UBE2K: variants seen among roughly 807,000 people sequenced by gnomAD.
The protein encoded by UBE2K is ubiquitin-conjugating enzyme E2 K.
In UBE2K, 6 loss-of-function variants were observed where a neutral mutation model predicts 30.0. The ratio of observed to expected loss-of-function variants is 0.20; its 90% CI spans 0.11 to 0.39. The LOEUF (loss-of-function observed/expected upper bound fraction) is 0.39. Ranked by LOEUF, UBE2K falls within the 10% of genes least tolerant of loss-of-function variation. The pLI is 1.00. For missense variants in UBE2K, 61 were observed against 241.6 expected, an observed-to-expected ratio of 0.25 and a Z score of 4.96; for synonymous variants, 86 against 83.7, an observed-to-expected ratio of 1.03 and a Z score of -0.15.
rs2109425155 is a variant in UBE2K, at chr4:39,781,874, A to C, written c.*3440A>C. ...TTCCATTCTTTTTAGTATCAGTTTA[A>C]AGTAAATGCTTACCATCAGCCAGTT... On this transcript the variant is annotated 3_prime_UTR_variant, in exon 7 of 7. Coordinates refer to ENST00000261427, the MANE Select transcript of UBE2K (RefSeq NM_005339.5). 1 of 398,388 alleles carries C rather than the reference A, an allele frequency of 2.5e-6. No homozygotes were observed. The highest frequency in any genetic ancestry group is 3.6e-5 in the East Asian group (1 of 28,052). 24.7% of individuals were successfully genotyped at this position (398,388 alleles called of 1,614,324 possible). A position where few individuals can be genotyped will look rare whatever the true frequency, so the allele number is the denominator to read the frequency against.
intron 4 of UBE2K, among the ~76,000 whole-genome samples, chr4:39,774,196 CG>C (rs1281611075): frequency 1.3e-5 from 2 of 151,860 alleles, no homozygotes; most frequent in African/African-American, 4.8e-5. Context: ...CCCAGCTACT[CG>C]TGAGGCTGAG....
chr4:39,700,362 TTTTTTGTTG>T (rs1394637526), intron 1 of UBE2K, among the ~76,000 whole-genome samples: 1 of 151,976 alleles, frequency 6.6e-6, no homozygotes, highest in Non-Finnish European at 1.5e-5. Flanking sequence ...AACAGACAGG[TTTTTTGTTG>T]TTTTTGTTGT....
intron 4 of UBE2K, among the ~76,000 whole-genome samples, chr4:39,763,920 CAG>C (rs1226988345): frequency 3.0e-4 from 45 of 151,914 alleles, no homozygotes; most frequent in African/African-American, 1.0e-3. Context: ...TTTGTAGAGA[CAG>C]AGTTTCACCT....
In UBE2K at chr4:39,778,368, A is replaced by T; in HGVS notation, c.537A>T (p.Val179=). The T allele has an allele frequency of 6.2e-7, 1 of 1,610,598 alleles. No individual in the cohort carries two copies. Among genetic ancestry groups the T allele is most frequent in the Non-Finnish European group, 8.5e-7 (1 of 1,177,428 alleles). The part of the protein sequence containing the change: ...LCAMGFDRNA[V]IVALSSKSWD... ...CCTTTTCTTCTCTACAGAATGCAGT[A>T]ATAGTGGCCTTGTCTTCAAAATCAT... Residue 179 remains valine (V), a synonymous_variant, in exon 7 of 7, where the codon GTA becomes GTT. Transcript: ENST00000261427.
chr4:39,728,355 A>AT, intron 1 of UBE2K, among the ~76,000 whole-genome samples: 1 of 152,258 alleles, frequency 6.6e-6, no homozygotes, highest in South Asian at 2.1e-4. Flanking sequence ...TACGCCTCTA[A>AT]TCCCAACAGT....
intron 1 of UBE2K, among the ~76,000 whole-genome samples, chr4:39,717,341 C>G (rs193256171): frequency 6.6e-6 from 1 of 151,794 alleles, no homozygotes; most frequent in African/African-American, 2.4e-5. Flanking sequence ...TCAAGCAATT[C>G]TGCCTCAGCC....
chr4:39,728,063 G>A (rs747966464), intron 1 of UBE2K, among the ~76,000 whole-genome samples: 2 of 152,074 alleles, frequency 1.3e-5, no homozygotes, highest in Non-Finnish European at 2.9e-5. Flanking sequence ...CAACCCGGGT[G>A]GTGGAGGTTG....
At chr4:39,774,605 T>G (rs1713172212) in intron 4 of UBE2K, among the ~76,000 whole-genome samples, 1 of 150,996 alleles carries the variant, frequency 6.6e-6, no homozygotes, top group South Asian at 2.1e-4. Flanking sequence ...AGAGCCAGAC[T>G]CCGTCTCAGG....
At chr4:39,771,632 G>C (rs1578506974) in intron 4 of UBE2K, among the ~76,000 whole-genome samples, 1 of 152,286 alleles carries the variant, frequency 6.6e-6, no homozygotes, top group East Asian at 1.9e-4. Flanking sequence ...TAAAGGGGTA[G>C]GGGCGGGAGC....
intron 2 of UBE2K, among the ~76,000 whole-genome samples, chr4:39,743,419 C>T (rs12643005): frequency 2.0e-5 from 3 of 152,000 alleles, no homozygotes; most frequent in East Asian, 1.9e-4. Flanking sequence ...CTGGCTAACA[C>T]GGTGAAACCC....
Position 39,758,334 on chromosome 4 carries a change from G to A in UBE2K, c.299+2595G>A, listed in dbSNP as rs115885308. 6.8e-3 allele frequency among the ~76,000 whole-genome samples: 1,033 copies of A among 152,178 alleles called. 18 individuals carry two copies. The highest frequency in any genetic ancestry group is 0.023 in the African/African-American group (973 of 41,526). The stretch of plus-strand genomic sequence containing the variant: ...TGCATTAGTCTGCCTCCCTGCTTCT[G>A]GCTTTTACCTACTCAGGCTATTCCC... On this transcript the variant is annotated intron_variant, in intron 4 of 6. Coordinates refer to ENST00000261427, the MANE Select transcript of UBE2K (RefSeq NM_005339.5).
intron 1 of UBE2K, among the ~76,000 whole-genome samples, chr4:39,730,274 T>C (rs1385107367): frequency 6.6e-6 from 1 of 152,184 alleles, no homozygotes; most frequent in Non-Finnish European, 1.5e-5. Context: ...ACCCTTGACC[T>C]CTTGGGCTCA....
intron 1 of UBE2K, among the ~76,000 whole-genome samples, chr4:39,731,816 G>A (rs1720089247): frequency 6.6e-6 from 1 of 152,142 alleles, no homozygotes; most frequent in African/African-American, 2.4e-5. Flanking sequence ...AAATTAGGAA[G>A]AACTAAATTT....
intron 1 of UBE2K, among the ~76,000 whole-genome samples, chr4:39,723,800 T>A (rs543380027): frequency 1.2e-3 from 148 of 122,934 alleles, no homozygotes; most frequent in African/African-American, 3.7e-3. Flanking sequence ...ACTGTACAAT[T>A]AATTTCCTTT....
rs879917833 is a variant in UBE2K at position 39,700,760 on chromosome 4, A to AC, written c.63+2370_63+2371insC. Among the ~76,000 whole-genome samples, 457 of 152,258 alleles carry AC rather than the reference A, an allele frequency of 3.0e-3. 2 individuals are homozygous for AC. The highest frequency in any genetic ancestry group is 5.5e-3 in the Non-Finnish European group (374 of 68,016). Reference sequence around the variant, plus strand: ...TTGTGTTTACTAAGAACACTGGTTGATTTAAGGACTTTTTGGGGTGGCCTT... The same window carrying AC: ...TTGTGTTTACTAAGAACACTGGTTGACTTTAAGGACTTTTTGGGGTGGCCTT... On this transcript the variant is annotated intron_variant, in intron 1 of 6. Transcript: ENST00000261427.
chr4:39,739,746 A>T (rs1720592844), intron 2 of UBE2K, among the ~76,000 whole-genome samples: 1 of 151,862 alleles, frequency 6.6e-6, no homozygotes. Context: ...CACCGCACCC[A>T]GCCCATTTTT....
At chr4:39,733,967 T>C (rs1425680368) in intron 1 of UBE2K, among the ~76,000 whole-genome samples, 1 of 152,130 alleles carries the variant, frequency 6.6e-6, no homozygotes, top group Non-Finnish European at 1.5e-5. Flanking sequence ...TAACTGGATG[T>C]TTGAATTAAA....
At chr4:39,771,369 C>G in intron 4 of UBE2K, 3 of 1,612,800 alleles carry the variant, frequency 1.9e-6, no homozygotes, top group East Asian at 2.2e-5. Flanking sequence ...GGAGCTTGTT[C>G]ATGTTCCGTA....
intron 1 of UBE2K, among the ~76,000 whole-genome samples, chr4:39,734,824 ATAAT>A (rs1301060663): frequency 6.6e-6 from 1 of 152,146 alleles, no homozygotes; most frequent in Admixed American, 6.5e-5. Flanking sequence ...ACAAATAATA[ATAAT>A]TTGGGGGTGA....
Sources: gnomAD v4.1 joint callset for allele counts (sites outside exome capture counted in the v4.1 genomes callset) on GRCh38, gnomAD v4.1.1 for gene constraint, MANE v1.5 for transcripts, NCBI Gene and HGNC (gene_info 2026-07-23, HGNC 2026-07-21) for gene names.